PPM1L: variants seen among roughly 807,000 people sequenced by gnomAD.
The protein encoded by PPM1L is protein phosphatase 1L.
Under a neutral mutation model 31.4 loss-of-function variants are expected in PPM1L, and 13 were observed. That is an observed-to-expected ratio of 0.41 (90% confidence interval 0.27 to 0.66). PPM1L has a LOEUF of 0.66. Among genes scored for constraint, PPM1L ranks in the 30% least tolerant of loss-of-function variants. PPM1L has a pLI of 0.29. For missense variants in PPM1L, 326 were observed against 453.7 expected (o/e 0.72, Z 2.56); for synonymous variants, 184 against 175.4 (o/e 1.05, Z -0.39).
At chr3:161,045,913 C>T (rs371825873) in intron 2 of PPM1L, among the ~76,000 whole-genome samples, 1 of 151,360 alleles carries the variant, frequency 6.6e-6, no homozygotes, top group African/African-American at 2.4e-5. Context: ...AGATCGAGAC[C>T]GTCCTGGCTA....
At chr3:160,768,825 G>A (rs1388520973) in intron 1 of PPM1L, among the ~76,000 whole-genome samples, 4 of 152,100 alleles carry the variant, frequency 2.6e-5, no homozygotes, top group Admixed American at 1.3e-4. Context: ...ATAACAAAAG[G>A]CCCAAAAGAG....
intron 2 of PPM1L, among the ~76,000 whole-genome samples, chr3:161,049,600 G>A (rs144051985): frequency 2.0e-5 from 3 of 152,276 alleles, no homozygotes; most frequent in Admixed American, 1.3e-4. Context: ...ATATTGGTGA[G>A]CTTCTTATTC....
At chr3:160,825,954 G>T in intron 1 of PPM1L, among the ~76,000 whole-genome samples, 1 of 151,914 alleles carries the variant, frequency 6.6e-6, no homozygotes, top group Non-Finnish European at 1.5e-5. Flanking sequence ...AATTTTCTAG[G>T]CGAGAGTTTG....
chr3:160,942,099 G>C (rs1231375654), intron 1 of PPM1L, among the ~76,000 whole-genome samples: 3 of 152,164 alleles, frequency 2.0e-5, no homozygotes, highest in Non-Finnish European at 4.4e-5. Flanking sequence ...ATCTGGTGGA[G>C]GAAAGGCTAA....
intron 1 of PPM1L, among the ~76,000 whole-genome samples, chr3:160,811,008 C>T (rs1239097579): frequency 6.6e-6 from 1 of 152,222 alleles, no homozygotes; most frequent in Non-Finnish European, 1.5e-5. Context: ...TTAAATCTCC[C>T]TCAGTTTCTA....
At chr3:160,939,066 A>T (rs1715072424) in intron 1 of PPM1L, among the ~76,000 whole-genome samples, 1 of 152,238 alleles carries the variant, frequency 6.6e-6, no homozygotes, top group Admixed American at 6.5e-5. Flanking sequence ...TGAGGAATAA[A>T]TAAGATAATG....
chr3:160,889,265 A>G (rs1161232938), intron 1 of PPM1L, among the ~76,000 whole-genome samples: 1 of 152,238 alleles, frequency 6.6e-6, no homozygotes, highest in African/African-American at 2.4e-5. Context: ...TAGCTAGACT[A>G]ATAACGAAGA....
rs1719051984 is a variant in PPM1L, at chr3:161,046,020, A to T, written c.575-19383A>T. On this transcript the variant is annotated intron_variant, in intron 2 of 3. Transcript: ENST00000498165. ...CAGCTACTCGGGAGGCTGAGGCAGGAGAATGCTATGAACCCAGGAGGCGGA... is the reference window on the plus strand; with the variant it reads ...CAGCTACTCGGGAGGCTGAGGCAGGTGAATGCTATGAACCCAGGAGGCGGA... Among the ~76,000 whole-genome samples the T allele has an allele frequency of 2.0e-5, 3 of 146,434 alleles. No individual in the cohort carries two copies. The South Asian group carries it at 6.7e-4, about 33-fold the overall frequency.
intron 1 of PPM1L, among the ~76,000 whole-genome samples, chr3:160,959,488 A>T (rs1255045810): frequency 2.0e-5 from 3 of 152,222 alleles, no homozygotes; most frequent in Middle Eastern, 3.2e-3. Context: ...AGACAATTTT[A>T]AAAAATTACA....
chr3:161,001,169 T>C (rs1458608657), intron 2 of PPM1L, among the ~76,000 whole-genome samples: 2 of 152,158 alleles, frequency 1.3e-5, no homozygotes, highest in African/African-American at 4.8e-5. Flanking sequence ...ACTATTTAAA[T>C]TTAGCTAACT....
At chr3:160,886,087 G>A (rs144884331) in intron 1 of PPM1L, among the ~76,000 whole-genome samples, 4,419 of 152,296 alleles carry the variant, frequency 0.029, 97 homozygotes, top group South Asian at 0.11. Flanking sequence ...CAGCTGTGGC[G>A]GACTGCAGCC....
At chr3:161,048,003 A>G (rs972933280) in intron 2 of PPM1L, among the ~76,000 whole-genome samples, 1 of 152,226 alleles carries the variant, frequency 6.6e-6, no homozygotes. Context: ...AACCTAGGCA[A>G]TACCATTCAG....
chr3:160,784,463 T>TTAGA (rs144780698), intron 1 of PPM1L, among the ~76,000 whole-genome samples: 5,083 of 152,198 alleles, frequency 0.033, 107 homozygotes, highest in South Asian at 0.052. Flanking sequence ...TTAATGGATA[T>TTAGA]TAGATAGCAC....
chr3:160,835,026 TA>T (rs1560120356), intron 1 of PPM1L, among the ~76,000 whole-genome samples: 1 of 145,970 alleles, frequency 6.9e-6, no homozygotes, highest in East Asian at 2.0e-4. Context: ...CTACTACTAC[TA>T]TTACTACTAC....
At chr3:160,850,889 G>T (rs1442776358) in intron 1 of PPM1L, among the ~76,000 whole-genome samples, 28 of 149,952 alleles carry the variant, frequency 1.9e-4, no homozygotes, top group African/African-American at 6.1e-4. Flanking sequence ...TTTGGTGGGG[G>T]GGGGGTCATT....
chr3:160,995,416 G>A (rs1010647665), intron 2 of PPM1L, among the ~76,000 whole-genome samples: 2 of 152,076 alleles, frequency 1.3e-5, no homozygotes, highest in Non-Finnish European at 2.9e-5. Context: ...CACCTCCCGG[G>A]TTCAAGTGAT....
chr3:161,077,710 A>ATTTT lies in PPM1L; in HGVS notation c.*8557_*8560dup, dbSNP rs1469314316. ...AAATATGAACAGAAGACTAAATGTC[A>ATTTT]TTTTTTTAAATCATAAATTTGGTAT... On this transcript the variant is annotated 3_prime_UTR_variant, in exon 4 of 4. Coordinates refer to ENST00000498165, the MANE Select transcript of PPM1L (RefSeq NM_139245.4). The ATTTT allele has an allele frequency of 1.3e-5, 2 of 152,204 alleles. No individual in the cohort carries two copies. The highest frequency in any genetic ancestry group is 4.8e-5 in the African/African-American group (2 of 41,452). The allele number at this position is 152,204 out of a possible 1,614,324, so 9.4% of individuals were successfully genotyped here.
chr3:160,760,298 C>T (rs1280090922), intron 1 of PPM1L, among the ~76,000 whole-genome samples: 1 of 152,160 alleles, frequency 6.6e-6, no homozygotes, highest in Non-Finnish European at 1.5e-5. Flanking sequence ...GTACTTCAGC[C>T]TCTTATGATT....
intron 1 of PPM1L, among the ~76,000 whole-genome samples, chr3:160,866,704 A>G (rs1024853507): frequency 6.6e-6 from 1 of 152,144 alleles, no homozygotes; most frequent in Non-Finnish European, 1.5e-5. Flanking sequence ...AAGACAATTA[A>G]CTCATTCCCC....
Sources: gnomAD v4.1 joint callset for allele counts (sites outside exome capture counted in the v4.1 genomes callset) on GRCh38, gnomAD v4.1.1 for gene constraint, MANE v1.5 for transcripts, NCBI Gene and HGNC (gene_info 2026-07-23, HGNC 2026-07-21) for gene names.